The following PRUNE2 variants were observed in gnomAD, a reference collection of about 807,000 sequenced individuals.
PRUNE2 encodes the protein prune homolog 2 with BCH domain, also known as protein prune homolog 2.
Under a neutral mutation model 252.0 loss-of-function variants are expected in PRUNE2, and 164 were observed. That is an observed-to-expected ratio of 0.65 (90% confidence interval 0.57 to 0.74). PRUNE2 has a LOEUF of 0.74. PRUNE2 is among the 30% of genes least tolerant of loss of function. The pLI is 0.00. For synonymous variants in PRUNE2, 1,292 were observed against 1,350.2 expected (o/e 0.96, Z 0.94); for missense variants, 3,495 against 3,711.0 (o/e 0.94, Z 1.51).
chr9:76,647,080 T>C (rs940502844), intron 11 of PRUNE2, among the ~76,000 whole-genome samples: 2 of 152,098 alleles, frequency 1.3e-5, no homozygotes, highest in Non-Finnish European at 1.5e-5. Context: ...TCCCAGCTAC[T>C]TGGGAAGATC....
chr9:76,843,783 C>T (rs1044484740), intron 4 of PRUNE2, among the ~76,000 whole-genome samples: 1 of 144,432 alleles, frequency 6.9e-6, no homozygotes, highest in African/African-American at 2.6e-5. Context: ...GGCTGGAGTG[C>T]AATGGTGAGA....
chr9:76,681,124 T>A (rs778823187), intron 9 of PRUNE2, among the ~76,000 whole-genome samples: 3 of 152,154 alleles, frequency 2.0e-5, no homozygotes, highest in Non-Finnish European at 4.4e-5. Context: ...ATGAATGAAC[T>A]TTGAGGACAG....
intron 1 of PRUNE2, among the ~76,000 whole-genome samples, chr9:76,875,938 C>G (rs552974884): frequency 5.3e-5 from 8 of 152,330 alleles, no homozygotes; most frequent in African/African-American, 1.9e-4. Context: ...TGGTCCCATT[C>G]TGCTATGTTC....
At chr9:76,681,291 G>A (rs1332831393) in intron 9 of PRUNE2, among the ~76,000 whole-genome samples, 1 of 152,012 alleles carries the variant, frequency 6.6e-6, no homozygotes, top group Non-Finnish European at 1.5e-5. Context: ...CCGGGGAGAT[G>A]GGGAAATGTT....
intron 6 of PRUNE2, among the ~76,000 whole-genome samples, chr9:76,765,322 A>G (rs2052228381): frequency 6.6e-6 from 1 of 152,208 alleles, no homozygotes; most frequent in African/African-American, 2.4e-5. Flanking sequence ...CATCAAGGAG[A>G]AGGAAGTAGT....
intron 9 of PRUNE2, chr9:76,692,269 G>C: frequency 1.5e-6 from 1 of 667,984 alleles, no homozygotes. Context: ...TGTGGCTAGG[G>C]GGCACAGCTG....
At chr9:76,615,130 G>A (rs557212048) in intron 18 of PRUNE2, 7 of 985,554 alleles carry the variant, frequency 7.1e-6, no homozygotes, top group Non-Finnish European at 8.4e-6. Flanking sequence ...CTAAAGAAAA[G>A]CTTGTTTTTC....
chr9:76,643,468 T>C (rs1843430067), intron 12 of PRUNE2, among the ~76,000 whole-genome samples: 1 of 152,084 alleles, frequency 6.6e-6, no homozygotes, highest in South Asian at 2.1e-4. Flanking sequence ...GAAGATTGAG[T>C]GTTCCTCTTA....
chr9:76,799,121 G>A (rs746253408), intron 6 of PRUNE2, among the ~76,000 whole-genome samples: 4 of 152,086 alleles, frequency 2.6e-5, no homozygotes, highest in African/African-American at 9.7e-5. Flanking sequence ...TGGGTGAATC[G>A]CCTGAGGTCA....
intron 6 of PRUNE2, among the ~76,000 whole-genome samples, chr9:76,769,290 C>T (rs1294368742): frequency 6.6e-6 from 1 of 152,230 alleles, no homozygotes; most frequent in African/African-American, 2.4e-5. Flanking sequence ...ACACTGGGGA[C>T]ATCCCTCAGG....
intron 9 of PRUNE2, among the ~76,000 whole-genome samples, chr9:76,676,304 C>G (rs1408241625): frequency 6.9e-6 from 1 of 145,952 alleles, no homozygotes; most frequent in African/African-American, 2.5e-5. Context: ...AAGTGCTAAT[C>G]TAAATGCCTA....
At chr9:76,819,577 G>A (rs2057914391) in intron 6 of PRUNE2, 1 of 152,174 alleles carries the variant, frequency 6.6e-6, no homozygotes, top group African/African-American at 2.4e-5. Flanking sequence ...CTAGTTTGTG[G>A]TTCTTTGTTA....
At chr9:76,881,246 G>A (rs1217873976) in intron 1 of PRUNE2, among the ~76,000 whole-genome samples, 3 of 152,164 alleles carry the variant, frequency 2.0e-5, no homozygotes, top group South Asian at 2.1e-4. Flanking sequence ...GATTACAGGC[G>A]TGAGCCACCG....
chr9:76,837,417 G>A (rs981846279), intron 4 of PRUNE2, among the ~76,000 whole-genome samples: 1 of 146,500 alleles, frequency 6.8e-6, no homozygotes, highest in Non-Finnish European at 1.5e-5. Context: ...ACTCCGGCCT[G>A]GCGACACAGT....
chr9:76,770,550 G>A (rs921652891), intron 6 of PRUNE2, among the ~76,000 whole-genome samples: 4 of 152,078 alleles, frequency 2.6e-5, no homozygotes, highest in African/African-American at 9.7e-5. Flanking sequence ...GAAATATCTG[G>A]TGAAATATTA....
chr9:76,820,073 T>A (rs996168595), intron 6 of PRUNE2, among the ~76,000 whole-genome samples: 1 of 152,166 alleles, frequency 6.6e-6, no homozygotes, highest in African/African-American at 2.4e-5. Flanking sequence ...ACAAGACGCA[T>A]GCTACTTTCA....
chr9:76,740,880 C>G (rs957624638), intron 6 of PRUNE2, among the ~76,000 whole-genome samples: 2 of 152,182 alleles, frequency 1.3e-5, no homozygotes, highest in Non-Finnish European at 2.9e-5. Context: ...TCACATCTCA[C>G]TATTGAGATG....
chr9:76,826,579 C>T lies in PRUNE2; in HGVS notation c.661+1G>A, dbSNP rs757493853. 2.5e-6 allele frequency: 4 copies of T among 1,584,850 alleles called. No homozygotes were observed. The highest frequency in any genetic ancestry group is 2.3e-5 in the South Asian group (2 of 86,106). ...AGAGAGCTGGGGACAGAGTCACTCA[C>T]CCTGAGCACTGAACTGGGTCTCCTG... On this transcript the variant is annotated splice_donor_variant, in intron 5 of 18. Transcript: ENST00000376718. LOFTEE classifies it high-confidence loss of function.
rs1477858797 is a variant in PRUNE2, at chr9:76,706,261, G to C, written c.6013C>G (p.Leu2005Val). 1.2e-6 allele frequency: 2 copies of C among 1,613,842 alleles called. No homozygotes were observed. Among genetic ancestry groups the C allele is most frequent in the Admixed American group, 1.7e-5 (1 of 59,998 alleles). Residue 2005 changes from leucine to valine, a missense_variant, in exon 8 of 19, where the codon CTA becomes GTA. By Grantham distance (32) the Leu-to-Val change is conservative. Coordinates refer to ENST00000376718, the MANE Select transcript of PRUNE2 (RefSeq NM_015225.3). Reference sequence around the variant, plus strand: ...ATGCTTGAATTTGTCATCTCACCTAGGTATGATTTTTCTTGTTCCCACTGA... The same window carrying C: ...ATGCTTGAATTTGTCATCTCACCTACGTATGATTTTTCTTGTTCCCACTGA... ...TNQWEQEKSY[L>V]GEMTNSSIAT...
Sources: gnomAD v4.1 joint callset for allele counts (sites outside exome capture counted in the v4.1 genomes callset) on GRCh38, gnomAD v4.1.1 for gene constraint, MANE v1.5 for transcripts, NCBI Gene and HGNC (gene_info 2026-07-23, HGNC 2026-07-21) for gene names.